The following RIOK2 variants were observed in gnomAD, a reference collection of about 807,000 sequenced individuals.
RIOK2 encodes serine/threonine-protein kinase RIO2.
Under a neutral mutation model 62.4 loss-of-function variants are expected in RIOK2, and 46 were observed. The ratio of observed to expected loss-of-function variants is 0.74; its 90% confidence interval spans 0.58 to 0.94. RIOK2 has a LOEUF of 0.94. Ranked by LOEUF, RIOK2 falls within the 40% of genes least tolerant of loss-of-function variation. RIOK2 has a pLI of 0.00. For synonymous variants in RIOK2, 197 were observed against 216.0 expected, an observed-to-expected ratio of 0.91 and a Z score of 0.77; for missense variants, 574 against 658.0, an observed-to-expected ratio of 0.87 and a Z score of 1.40.
Position 97,183,115 on chromosome 5 carries a change from G to A in RIOK2, c.66+11C>T. On this transcript the variant is annotated intron_variant, in intron 1 of 9. Transcript: ENST00000283109. ...AAGGGGAAGGGAGAACAGGAACGGC[G>A]GGTTTCTTACCGCGGTCAAGACCCT... 6.2e-7 allele frequency: 1 copy of A among 1,613,972 alleles called. No homozygotes were observed. Among genetic ancestry groups the A allele is most frequent in the Non-Finnish European group, 8.5e-7 (1 of 1,179,872 alleles).
rs2544773 is a variant in RIOK2, at chr5:97,177,767, G to T, written c.287C>A (p.Ser96Tyr). 6.2e-7 allele frequency: 1 copy of T among 1,611,902 alleles called. No homozygotes were observed. Among genetic ancestry groups the T allele is most frequent in the Non-Finnish European group, 8.5e-7 (1 of 1,178,382 alleles). The stretch of plus-strand genomic sequence containing the variant: ...GCCAACACCCATCTGGTTTCCAACA[G>T]ACTCAACTACTTGCCTAGAAGAAAG... Reference protein sequence around the residue: ...KTLSSRQVVESVGNQMGVGKE... With the variant: ...KTLSSRQVVEYVGNQMGVGKE... The change falls in exon 3 of 10, where the codon TCT becomes TAT. Residue 96 changes from serine (S) to tyrosine (Y), a missense_variant. Coordinates refer to ENST00000283109, the MANE Select transcript of RIOK2 (RefSeq NM_018343.3).
intron 4 of RIOK2, 55 bp downstream of exon 4, chr5:97,177,061 G>A (rs1749186330): frequency 1.4e-6 from 2 of 1,455,514 alleles, no homozygotes; most frequent in Admixed American, 1.7e-5. Flanking sequence ...TAAGGCCTTT[G>A]AGACACATGT....
At chr5:97,164,957 C>T (rs1203710434) in intron 9 of RIOK2, 94 bp downstream of exon 9, 1 of 672,594 alleles carries the variant, frequency 1.5e-6, no homozygotes, top group Non-Finnish European at 2.4e-6. Context: ...GAAGTCTGTA[C>T]CTGAAAGGCA....
At position 97,177,353 on chromosome 5, in the gene RIOK2, TCTAA is replaced by T. The variant is rs1454899290; in HGVS notation, c.323-66_323-63del. The T allele has an allele frequency of 2.9e-6, 4 of 1,356,514 alleles. No homozygotes were observed. The African/African-American group carries it at 4.4e-5, about 15-fold the overall frequency. 84.0% of individuals were successfully genotyped at this position (1,356,514 alleles called of 1,614,324 possible). A position where few individuals can be genotyped will look rare whatever the true frequency, so the allele number is the denominator to read the frequency against. On this transcript the variant is annotated intron_variant, in intron 3 of 9. Coordinates refer to ENST00000283109, the MANE Select transcript of RIOK2 (RefSeq NM_018343.3). ...GTTTATTCCAATCAGTTAAAACAAT[TCTAA>T]CTTTCTCTAATTTTATTTGTATCAA...
intron 1 of RIOK2, among the ~76,000 whole-genome samples, chr5:97,179,981 T>TATATATAAA (rs1749299698): frequency 3.2e-5 from 2 of 61,598 alleles, no homozygotes; most frequent in African/African-American, 7.0e-5. Flanking sequence ...ATATATAATA[T>TATATATAAA]ATATATATAA....
Position 97,167,972 on chromosome 5 carries a change from CATCAAGAGTG to C in RIOK2, c.882_891del (p.Asp294GlufsTer23). On this transcript the variant is annotated frameshift_variant, in exon 8 of 10. Coordinates refer to ENST00000283109, the MANE Select transcript of RIOK2 (RefSeq NM_018343.3). LOFTEE classifies it high-confidence loss of function. ...GTGTAGCCACTGGCAGAAACCTCCA[CATCAAGAGTG>C]TCTTCTCTCCTAGAAAAAAAAGGCG... The C allele has an allele frequency of 6.3e-7, 1 of 1,599,608 alleles. No individual in the cohort carries two copies. The highest frequency in any genetic ancestry group is 8.5e-7 in the Non-Finnish European group (1 of 1,178,060).
At chr5:97,179,945 C>A (rs1274402681) in intron 1 of RIOK2, among the ~76,000 whole-genome samples, 3 of 78,950 alleles carry the variant, frequency 3.8e-5, no homozygotes, top group African/African-American at 4.7e-5. Flanking sequence ...CACATGTACC[C>A]CAGAACTTAA....
rs1748814296 is a variant in RIOK2, at chr5:97,165,242, CTG to C, written c.1398-97_1398-96del. ...ATATTATTTTTTGCATGCAGCAAAA[CTG>C]AAGACATAAAATACTTCAGAAAGAT... On this transcript the variant is annotated intron_variant, in intron 8 of 9. Transcript: ENST00000283109. The C allele has an allele frequency of 5.7e-6, 3 of 528,976 alleles. No individual in the cohort carries two copies. The South Asian group carries it at 2.1e-4, about 37-fold the overall frequency. 32.8% of individuals were successfully genotyped at this position (528,976 alleles called of 1,614,324 possible). A position where few individuals can be genotyped will look rare whatever the true frequency, so the allele number is the denominator to read the frequency against.
rs1160267157 is a variant in RIOK2 at position 97,162,080 on chromosome 5, C to T, written c.*981G>A. ...ATCTTGGAAAAGTCTGTACTATATT[C>T]CCTCTGGTAGAACATAATTAGGGAT... On this transcript the variant is annotated 3_prime_UTR_variant, in exon 10 of 10. Coordinates refer to ENST00000283109, the MANE Select transcript of RIOK2 (RefSeq NM_018343.3). 1 of 152,062 alleles carries T rather than the reference C, an allele frequency of 6.6e-6. No individual in the cohort carries two copies. 9.4% of individuals were successfully genotyped at this position (152,062 alleles called of 1,614,324 possible). A position where few individuals can be genotyped will look rare whatever the true frequency, so the allele number is the denominator to read the frequency against.
chr5:97,180,142 G>GTATATA (rs372779229), intron 1 of RIOK2, among the ~76,000 whole-genome samples: 49 of 96,058 alleles, frequency 5.1e-4, no homozygotes, highest in African/African-American at 1.8e-3. Flanking sequence ...ATATATATAT[G>GTATATA]TATATATATA....
rs553198159 is a variant in RIOK2 at position 97,171,154 on chromosome 5, C to T, written c.779+52G>A. The T allele has an allele frequency of 1.3e-3, 1,605 of 1,246,228 alleles. 4 individuals carry two copies. The highest frequency in any genetic ancestry group is 1.3e-3 in the Non-Finnish European group (1,267 of 962,260). 77.2% of individuals were successfully genotyped at this position (1,246,228 alleles called of 1,614,324 possible). On this transcript the variant is annotated intron_variant, in intron 6 of 9. Coordinates refer to ENST00000283109, the MANE Select transcript of RIOK2 (RefSeq NM_018343.3). ...CCAGCTTGGGCAACAAGCAAAACTC[C>T]GTCTCCAAAAAAATAAAATAAAATA...
intron 2 of RIOK2, among the ~76,000 whole-genome samples, chr5:97,178,640 TGTACTCTACATGCTCTTCTGCA>T (rs1561521162): frequency 9.4e-6 from 1 of 106,230 alleles, no homozygotes; most frequent in African/African-American, 2.9e-5. Context: ...CGTGCTCTTC[TGTACTCTACATGCTCTTCTGCA>T]GTACTCTACC....
At chr5:97,172,401 A>G (rs777910769) in intron 5 of RIOK2, among the ~76,000 whole-genome samples, 5 of 151,976 alleles carry the variant, frequency 3.3e-5, no homozygotes, top group Non-Finnish European at 5.9e-5. Flanking sequence ...GTCACCATTG[A>G]CTCATCCCTT....
At chr5:97,171,130 CA>C in intron 6 of RIOK2, 75 bp downstream of exon 6, 2 of 1,082,870 alleles carry the variant, frequency 1.8e-6, no homozygotes, top group Admixed American at 7.4e-5. Flanking sequence ...CATTGCACTC[CA>C]GCTTGGGCAA....
In RIOK2 at chr5:97,183,146, C is replaced by G. The variant is rs1394552512; in HGVS notation, c.46G>C (p.Asp16His). Residue 16 changes from aspartate to histidine, a missense_variant, in exon 1 of 10, where the codon GAC becomes CAC. By Grantham distance (81) the Asp-to-His change is moderately conservative. Coordinates refer to ENST00000283109, the MANE Select transcript of RIOK2 (RefSeq NM_018343.3). ...VAKLRYMSRD[D>H]FRVLTAVEMG... Reference sequence around the variant, plus strand: ...CTTACCGCGGTCAAGACCCTGAAGTCATCTCGGCTCATGTAACGCAACTTG... The same window carrying G: ...CTTACCGCGGTCAAGACCCTGAAGTGATCTCGGCTCATGTAACGCAACTTG... The G allele has an allele frequency of 6.2e-7, 1 of 1,614,106 alleles. No individual in the cohort carries two copies. The highest frequency in any genetic ancestry group is 1.7e-5 in the Admixed American group (1 of 60,022).
chr5:97,180,129 T>C (rs2548410), intron 1 of RIOK2, among the ~76,000 whole-genome samples: 96 of 23,736 alleles, frequency 4.0e-3, no homozygotes, highest in East Asian at 0.019. Flanking sequence ...TGTATATGTA[T>C]ATATATATAT....
At chr5:97,166,179 C>A in intron 8 of RIOK2, 1 of 339,310 alleles carries the variant, frequency 2.9e-6, no homozygotes, top group South Asian at 2.5e-5. Flanking sequence ...GACTTCTCAG[C>A]CTCCATAACC....
chr5:97,164,283 C>G (rs1748782999), intron 9 of RIOK2, among the ~76,000 whole-genome samples: 1 of 151,770 alleles, frequency 6.6e-6, no homozygotes, highest in Admixed American at 6.6e-5. Flanking sequence ...GGTGGATCAC[C>G]TGAGGTCAGG....
chr5:97,170,887 C>A (rs1215702232), intron 6 of RIOK2, among the ~76,000 whole-genome samples: 2 of 152,104 alleles, frequency 1.3e-5, no homozygotes, highest in African/African-American at 4.8e-5. Flanking sequence ...GGCGCAATGG[C>A]TCACCCCTGT....
Sources: allele counts gnomAD v4.1 joint callset (sites outside exome capture counted in the v4.1 genomes callset), GRCh38; gene constraint gnomAD v4.1.1; transcripts MANE v1.5; gene names NCBI Gene and HGNC (gene_info 2026-07-23, HGNC 2026-07-21).